Variants in PLCE1 observed in about 807,000 individuals in gnomAD.
PLCE1 encodes the protein phospholipase C epsilon 1.
In PLCE1, 119 loss-of-function variants were observed where a neutral mutation model predicts 242.8. The ratio of observed to expected loss-of-function variants is 0.49; its 90% CI spans 0.42 to 0.57. The LOEUF (loss-of-function observed/expected upper bound fraction) is 0.57. Among genes scored for constraint, PLCE1 ranks in the 20% least tolerant of loss-of-function variants. The pLI, the probability that PLCE1 is intolerant of heterozygous loss-of-function variation, is 0.00. For missense variants in PLCE1, 2,441 were observed against 2,788.8 expected, an observed-to-expected ratio of 0.88 and a Z score of 2.81; for synonymous variants, 945 against 1,017.4, an observed-to-expected ratio of 0.93 and a Z score of 1.35.
chr10:94,191,842 G>A (rs1178719539), intron 4 of PLCE1, among the ~76,000 whole-genome samples: 1 of 152,174 alleles, frequency 6.6e-6, no homozygotes, highest in East Asian at 1.9e-4. Flanking sequence ...TGTTGAAGTA[G>A]TGAGTTTCTT....
At chr10:94,327,244 T>C (rs2054056877) in intron 32 of PLCE1, among the ~76,000 whole-genome samples, 1 of 152,084 alleles carries the variant, frequency 6.6e-6, no homozygotes, top group Non-Finnish European at 1.5e-5. Context: ...TCCTTTACAA[T>C]GGTCTTTTCA....
Position 94,038,006 on chromosome 10 carries a change from G to A in PLCE1, c.1206+5754G>A, listed in dbSNP as rs117639978. Among the ~76,000 whole-genome samples the A allele has an allele frequency of 7.0e-4, 107 of 152,244 alleles. No individual in the cohort carries two copies. In the East Asian group the frequency reaches 0.018, roughly 25 times the overall value. On this transcript the variant is annotated intron_variant, in intron 2 of 32. Coordinates refer to ENST00000371380, the MANE Select transcript of PLCE1 (RefSeq NM_016341.4). ...GAGGCCCCATCCCTGAAAATGGGCC[G>A]TGGTAGTATGTGGCCTGAAAAGAAT... is the stretch of plus-strand genomic sequence containing the variant.
chr10:94,092,861 C>A (rs761875074), intron 2 of PLCE1, among the ~76,000 whole-genome samples: 1 of 152,198 alleles, frequency 6.6e-6, no homozygotes, highest in Non-Finnish European at 1.5e-5. Context: ...AAAGATCCAG[C>A]AGAACCTTTG....
chr10:94,248,140 A>G (rs904942764), intron 8 of PLCE1, among the ~76,000 whole-genome samples: 3 of 151,406 alleles, frequency 2.0e-5, no homozygotes, highest in Non-Finnish European at 2.9e-5. Context: ...GGCACATGTA[A>G]TGCCCCTTCT....
rs1313579098 is a variant in PLCE1 at position 94,032,123 on chromosome 10, T to A, written c.1077T>A (p.Thr359=). 1.9e-6 allele frequency: 3 copies of A among 1,610,620 alleles called. No homozygotes were observed. Among genetic ancestry groups the A allele is most frequent in the Non-Finnish European group, 2.5e-6 (3 of 1,178,872 alleles). ...TGCCTTCTGGCCACATTGGGCTGACTGCATGGAGTTACATAGATCAGAAGA... is the reference window on the plus strand; with the variant it reads ...TGCCTTCTGGCCACATTGGGCTGACAGCATGGAGTTACATAGATCAGAAGA... The part of the protein sequence containing the change: ...RTLPSGHIGL[T]AWSYIDQKRN... Residue 359 remains threonine (T), a synonymous_variant, in exon 2 of 33, where the codon ACT becomes ACA. Transcript: ENST00000371380.
chr10:94,031,418 A>G lies in PLCE1; in HGVS notation c.372A>G (p.Glu124=), dbSNP rs775563649. The change falls in exon 2 of 33, where the codon GAA becomes GAG. Residue 124 remains glutamate, a synonymous_variant. Transcript: ENST00000371380. ...QHGLPQRQFY[E]MYNSVAEEDL... ...GCCTTCCTCAGAGACAATTTTATGA[A>G]ATGTACAACTCTGTTGCTGAGGAAG... The G allele has an allele frequency of 6.2e-7, 1 of 1,613,876 alleles. No homozygotes were observed. Among genetic ancestry groups the G allele is most frequent in the East Asian group, 2.2e-5 (1 of 44,864 alleles).
Position 94,234,135 on chromosome 10 carries a change from C to A in PLCE1, c.2037C>A (p.Ala679=), listed in dbSNP as rs766964891. 6.2e-7 allele frequency: 1 copy of A among 1,613,756 alleles called. No homozygotes were observed. Among genetic ancestry groups the A allele is most frequent in the South Asian group, 1.1e-5 (1 of 91,062 alleles). The change falls in exon 6 of 33, where the codon GCC becomes GCA. Residue 679 remains alanine (A), a synonymous_variant. Coordinates refer to ENST00000371380, the MANE Select transcript of PLCE1 (RefSeq NM_016341.4). ...TGAGGAGCCTGAAGGATGCTATGGC[C>A]CAGCATGAGTCCTCTTGTGAGTACA... The part of the protein sequence containing the change: ...ETMRSLKDAM[A]QHESSCEYRK...
intron 1 of PLCE1, among the ~76,000 whole-genome samples, chr10:94,014,351 C>T (rs2061233883): frequency 2.6e-5 from 4 of 151,542 alleles, no homozygotes; most frequent in African/African-American, 9.7e-5. Context: ...AGCCTGTAAT[C>T]GCAGCACTTT....
chr10:94,234,204 G>C lies in PLCE1; in HGVS notation c.2106G>C (p.Val702=). 2 of 1,614,144 alleles carry C rather than the reference G, an allele frequency of 1.2e-6. No individual in the cohort carries two copies. The highest frequency in any genetic ancestry group is 8.5e-7 in the Non-Finnish European group (1 of 1,180,002). Reference sequence around the variant, plus strand: ...CCCTGCACATCCCTGGCTGTAAGGTGGTTCCATTCTGTGGGGTGTTTCTGA... The same window carrying C: ...CCCTGCACATCCCTGGCTGTAAGGTCGTTCCATTCTGTGGGGTGTTTCTGA... ...TRALHIPGCK[V]VPFCGVFLKE... The change falls in exon 6 of 33, where the codon GTG becomes GTC. Residue 702 remains valine, a synonymous_variant. Coordinates refer to ENST00000371380, the MANE Select transcript of PLCE1 (RefSeq NM_016341.4).
intron 2 of PLCE1, chr10:94,089,501 A>G (rs761397276): frequency 1.3e-5 from 8 of 635,460 alleles, no homozygotes; most frequent in South Asian, 1.1e-4. Context: ...GACATTTTAC[A>G]AAGAAGATCA....
rs771124727 is a variant in PLCE1, at chr10:94,270,580, G to A, written c.4484G>A (p.Arg1495Gln). 40 of 1,611,312 alleles carry A rather than the reference G, an allele frequency of 2.5e-5. No homozygotes were observed. The highest frequency in any genetic ancestry group is 5.0e-5 in the Admixed American group (3 of 59,994). The change falls in exon 18 of 33, where the codon CGA becomes CAA. Residue 1495 changes from arginine to glutamine, a missense_variant. By Grantham distance (43) the Arg-to-Gln change is conservative. Transcript: ENST00000371380. ...AACCACTGTTCATTGCCTCAGCAAC[G>A]AAAAATGGCAGAAATTTTCAAGGTG... Reference protein sequence around the residue: ...IENHCSLPQQRKMAEIFKTVF... With the variant: ...IENHCSLPQQQKMAEIFKTVF...
At chr10:94,138,474 C>T in intron 3 of PLCE1, 1 of 443,716 alleles carries the variant, frequency 2.3e-6, no homozygotes, top group South Asian at 1.8e-5. Context: ...TCCTGTGAGG[C>T]CATTTTCAAG....
intron 27 of PLCE1, among the ~76,000 whole-genome samples, chr10:94,308,980 A>T (rs542871841): frequency 6.6e-6 from 1 of 152,356 alleles, no homozygotes; most frequent in Non-Finnish European, 1.5e-5. Context: ...AGCAAGCAGC[A>T]GTCCAGGATT....
At chr10:94,244,934 C>T (rs2137489802) in intron 7 of PLCE1, among the ~76,000 whole-genome samples, 3 of 152,264 alleles carry the variant, frequency 2.0e-5, no homozygotes, top group Middle Eastern at 6.8e-3. Flanking sequence ...CTTCTGGGCT[C>T]AAGCAGTCTG....
At chr10:94,279,656 C>T (rs1271145224) in intron 19 of PLCE1, 126 bp from the exon 20 acceptor site, 3 of 1,047,548 alleles carry the variant, frequency 2.9e-6, no homozygotes, top group East Asian at 2.4e-5. Context: ...TTTCTCCTCT[C>T]CCAAATGTAT....
intron 11 of PLCE1, among the ~76,000 whole-genome samples, chr10:94,255,276 A>T (rs1041632468): frequency 2.0e-5 from 3 of 152,222 alleles, no homozygotes. Context: ...AACCTAAGCC[A>T]TGATTCTCCA....
At chr10:94,061,141 A>G (rs886510285) in intron 2 of PLCE1, among the ~76,000 whole-genome samples, 5 of 152,194 alleles carry the variant, frequency 3.3e-5, no homozygotes, top group African/African-American at 1.2e-4. Flanking sequence ...TCAGGTTTCA[A>G]GCAAAACCTG....
At chr10:94,138,262 A>C (rs578083896) in intron 3 of PLCE1, 47 of 336,048 alleles carry the variant, frequency 1.4e-4, no homozygotes, top group African/African-American at 9.2e-4. Context: ...GATATTCCAC[A>C]GTGCATATTG....
intron 11 of PLCE1, among the ~76,000 whole-genome samples, chr10:94,256,611 G>A (rs2051111821): frequency 6.6e-6 from 1 of 152,164 alleles, no homozygotes; most frequent in Admixed American, 6.6e-5. Flanking sequence ...TTCAGCCTGT[G>A]TAGTATCCTG....
Sources: allele counts gnomAD v4.1 joint callset (sites outside exome capture counted in the v4.1 genomes callset), GRCh38; gene constraint gnomAD v4.1.1; transcripts MANE v1.5; gene names NCBI Gene and HGNC (gene_info 2026-07-23, HGNC 2026-07-21).